The following PDS5A variants were observed in gnomAD, a reference collection of about 807,000 sequenced individuals.
PDS5A encodes the protein PDS5 cohesin associated factor A.
Under a neutral mutation model 167.1 loss-of-function variants are expected in PDS5A, and 42 were observed. The ratio of observed to expected loss-of-function variants is 0.25; its 90% CI spans 0.20 to 0.33. The LOEUF is 0.33. Ranked by LOEUF, PDS5A falls within the 10% of genes least tolerant of loss-of-function variation. The pLI is 1.00. For synonymous variants in PDS5A, 553 were observed against 554.6 expected (o/e 1.00, Z 0.04); for missense variants, 1,033 against 1,605.9 (o/e 0.64, Z 6.10).
rs1048990798 is a variant in PDS5A at position 39,863,714 on chromosome 4, T to C, written c.2643-255A>G. ...TCTAGTCAAACTCTAGCTTAGATAC[T>C]TCACCACAACCCAAAAACTCTGCTT... On this transcript the variant is annotated intron_variant, in intron 23 of 32. Coordinates refer to ENST00000303538, the MANE Select transcript of PDS5A (RefSeq NM_001100399.2). Among the ~76,000 whole-genome samples, 5 of 152,210 alleles carry C rather than the reference T, an allele frequency of 3.3e-5. No individual in the cohort carries two copies. The South Asian group carries it at 6.2e-4, about 19-fold the overall frequency.
intron 5 of PDS5A, 66 bp downstream of exon 5, chr4:39,925,770 G>C: frequency 1.8e-6 from 1 of 544,308 alleles, no homozygotes; most frequent in Non-Finnish European, 3.2e-6. Context: ...TACATGTAGA[G>C]TATACAACAT....
At chr4:39,853,004 C>T (rs1258368266) in intron 26 of PDS5A, among the ~76,000 whole-genome samples, 1 of 152,126 alleles carries the variant, frequency 6.6e-6, no homozygotes, top group African/African-American at 2.4e-5. Flanking sequence ...CAGCCTACCT[C>T]CTGGGCTCAA....
intron 11 of PDS5A, among the ~76,000 whole-genome samples, chr4:39,906,922 A>T (rs12512138): frequency 0.48 from 50,468 of 104,486 alleles, 8,197 homozygotes; most frequent in Middle Eastern, 0.57. Context: ...TTACATAAAA[A>T]AAAAAAAAAA....
chr4:39,939,474 A>G (rs1243216829), intron 2 of PDS5A, among the ~76,000 whole-genome samples: 4 of 95,170 alleles, frequency 4.2e-5, no homozygotes, highest in African/African-American at 1.2e-4. Flanking sequence ...CTCAAAACCT[A>G]AAATGAAAAA....
chr4:39,870,946 A>G (rs1362391488), intron 21 of PDS5A, among the ~76,000 whole-genome samples: 1 of 152,234 alleles, frequency 6.6e-6, no homozygotes, highest in Non-Finnish European at 1.5e-5. Flanking sequence ...TGTGGGATAT[A>G]TACAAACAAA....
intron 16 of PDS5A, among the ~76,000 whole-genome samples, chr4:39,892,050 T>C (rs893121286): frequency 6.6e-6 from 1 of 152,118 alleles, no homozygotes; most frequent in African/African-American, 2.4e-5. Context: ...AGGCAGAGGT[T>C]GCAGTGACCA....
intron 32 of PDS5A, among the ~76,000 whole-genome samples, chr4:39,835,554 G>A (rs758045038): frequency 1.3e-5 from 2 of 152,190 alleles, no homozygotes; most frequent in Admixed American, 6.5e-5. Context: ...ACAGAGTATC[G>A]CTCTGTTTCC....
chr4:39,940,542 T>C (rs569231474), intron 2 of PDS5A, among the ~76,000 whole-genome samples: 15 of 152,240 alleles, frequency 9.9e-5, no homozygotes, highest in Non-Finnish European at 1.8e-4. Flanking sequence ...TTTAAAGCAG[T>C]TAATCTAACC....
At chr4:39,881,771 T>C (rs149574563) in intron 17 of PDS5A, among the ~76,000 whole-genome samples, 5 of 152,304 alleles carry the variant, frequency 3.3e-5, no homozygotes, top group African/African-American at 1.2e-4. Flanking sequence ...GAACATTTCA[T>C]ATTAATGAAA....
intron 23 of PDS5A, 62 bp downstream of exon 23, chr4:39,866,799 T>A: frequency 6.9e-7 from 1 of 1,452,942 alleles, no homozygotes; most frequent in Non-Finnish European, 9.5e-7. Flanking sequence ...GGTAAATAAT[T>A]CCTATGTAAA....
At chr4:39,868,352 C>T (rs772640026) in intron 22 of PDS5A, among the ~76,000 whole-genome samples, 3 of 151,838 alleles carry the variant, frequency 2.0e-5, no homozygotes, top group Non-Finnish European at 2.9e-5. Flanking sequence ...TATTTGAGAC[C>T]GAGTTTCACT....
chr4:39,875,384 G>A (rs9991003), intron 19 of PDS5A, among the ~76,000 whole-genome samples: 105,872 of 151,976 alleles, frequency 0.7, 38,478 homozygotes, highest in Middle Eastern at 0.85. Flanking sequence ...TACAATGAAC[G>A]TAAGTATTTT....
intron 2 of PDS5A, among the ~76,000 whole-genome samples, chr4:39,965,391 C>T (rs1729881269): frequency 6.6e-6 from 1 of 152,140 alleles, no homozygotes; most frequent in South Asian, 2.1e-4. Context: ...AATGAGTGAG[C>T]CCAGTAGCCA....
intron 31 of PDS5A, among the ~76,000 whole-genome samples, chr4:39,840,096 C>A (rs1486674590): frequency 2.7e-5 from 4 of 150,942 alleles, no homozygotes; most frequent in African/African-American, 9.7e-5. Flanking sequence ...TCTCAAAAAA[C>A]AAAAGAAAAC....
intron 17 of PDS5A, among the ~76,000 whole-genome samples, chr4:39,880,097 A>G (rs1272672060): frequency 6.6e-6 from 1 of 152,210 alleles, no homozygotes; most frequent in East Asian, 1.9e-4. Flanking sequence ...ATATATTCAC[A>G]TAAGTAATTT....
At chr4:39,962,698 G>A (rs1340883224) in intron 2 of PDS5A, among the ~76,000 whole-genome samples, 1 of 151,966 alleles carries the variant, frequency 6.6e-6, no homozygotes, top group Non-Finnish European at 1.5e-5. Context: ...CATCTAGTTG[G>A]GAGGCTGAGG....
intron 11 of PDS5A, among the ~76,000 whole-genome samples, chr4:39,905,205 C>G (rs1228385065): frequency 6.6e-5 from 10 of 152,104 alleles, no homozygotes; most frequent in Non-Finnish European, 1.2e-4. Context: ...TGCTCACAAG[C>G]TGACAAAACC....
At chr4:39,855,127 G>A (rs1421574628) in intron 26 of PDS5A, among the ~76,000 whole-genome samples, 1 of 152,128 alleles carries the variant, frequency 6.6e-6, no homozygotes, top group Non-Finnish European at 1.5e-5. Context: ...AATCACCTGT[G>A]CAGAACTCTG....
rs770286120 is a variant in PDS5A at position 39,976,606 on chromosome 4, C to T, written c.-29G>A. The T allele has an allele frequency of 4.4e-6, 7 of 1,573,466 alleles. No homozygotes were observed. In the South Asian group the frequency reaches 8.0e-5, roughly 18 times the overall value. ...GGGGGACAACTTTTGGTTCACAGTC[C>T]TCTACCGGCCTCTATCGGTCAGAAA... On this transcript the variant is annotated 5_prime_UTR_variant, in exon 2 of 33. Coordinates refer to ENST00000303538, the MANE Select transcript of PDS5A (RefSeq NM_001100399.2).
Sources: gnomAD v4.1 joint callset for allele counts (sites outside exome capture counted in the v4.1 genomes callset) on GRCh38, gnomAD v4.1.1 for gene constraint, MANE v1.5 for transcripts, NCBI Gene and HGNC (gene_info 2026-07-23, HGNC 2026-07-21) for gene names.